Variants in MMP26 observed in about 807,000 individuals in gnomAD.
MMP26 encodes the protein matrix metallopeptidase 26, also known as matrix metalloproteinase-26.
MMP26 carries 33 observed loss-of-function variants against 31.0 expected under a neutral mutation model. The observed-to-expected ratio is 1.06, with a 90% CI of 0.81 to 1.42. MMP26 has a LOEUF of 1.42. Ranked by LOEUF, MMP26 falls within the 40% of genes most tolerant of loss-of-function variation. The pLI, the probability that MMP26 is intolerant of heterozygous loss-of-function variation, is 0.00. For synonymous variants in MMP26, 122 were observed against 114.9 expected, an observed-to-expected ratio of 1.06 and a Z score of -0.40; for missense variants, 347 against 316.1, an observed-to-expected ratio of 1.10 and a Z score of -0.74.
chr11:4,779,707 T>C (rs1848833814), intron 2 of MMP26, among the ~76,000 whole-genome samples: 1 of 152,094 alleles, frequency 6.6e-6, no homozygotes, highest in African/African-American at 2.4e-5. Context: ...TTTAAGAAAA[T>C]GTCAAATTTC....
chr11:4,991,583 G>T, intron 6 of MMP26, 87 bp downstream of exon 6: 6 of 1,529,374 alleles, frequency 3.9e-6, no homozygotes, highest in Non-Finnish European at 5.3e-6. Flanking sequence ...ATCCAGAGTG[G>T]TCAGGGTGAG....
chr11:4,736,632 G>C (rs757202772), intron 1 of MMP26: 3 of 152,174 alleles, frequency 2.0e-5, no homozygotes, highest in Non-Finnish European at 2.9e-5. Context: ...GAGGCAATAG[G>C]ATCACGGTCC....
chr11:4,748,443 A>G (rs1200385423), intron 1 of MMP26, among the ~76,000 whole-genome samples: 1 of 152,136 alleles, frequency 6.6e-6, no homozygotes, highest in Admixed American at 6.6e-5. Context: ...AACTCATTTT[A>G]TGCAGACTGT....
chr11:4,710,972 A>G (rs1847855457), intron 1 of MMP26: 1 of 153,016 alleles, frequency 6.5e-6, no homozygotes, highest in Non-Finnish European at 1.5e-5. Context: ...ACAATAAGCA[A>G]GAAGTATTAA....
At chr11:4,718,146 C>A (rs1226554260) in intron 1 of MMP26, among the ~76,000 whole-genome samples, 1 of 152,124 alleles carries the variant, frequency 6.6e-6, no homozygotes. Context: ...GGATCTGATT[C>A]TGATTGAAAG....
chr11:4,705,673 A>G (rs1475571298), intron 1 of MMP26, among the ~76,000 whole-genome samples: 1 of 152,192 alleles, frequency 6.6e-6, no homozygotes. Flanking sequence ...AGACTGGTTT[A>G]AGAATCACAG....
At chr11:4,956,101 G>C (rs1035047563) in intron 2 of MMP26, among the ~76,000 whole-genome samples, 1 of 152,158 alleles carries the variant, frequency 6.6e-6, no homozygotes, top group African/African-American at 2.4e-5. Flanking sequence ...TGTATGTTGT[G>C]ATCTTCAGTT....
At chr11:4,935,343 G>C (rs950698101) in intron 2 of MMP26, among the ~76,000 whole-genome samples, 2 of 151,776 alleles carry the variant, frequency 1.3e-5, no homozygotes, top group African/African-American at 4.8e-5. Context: ...AAGCAATTGC[G>C]AATGGGAGTT....
At chr11:4,873,209 G>A (rs1850333558) in intron 2 of MMP26, among the ~76,000 whole-genome samples, 2 of 152,032 alleles carry the variant, frequency 1.3e-5, no homozygotes, top group Admixed American at 1.3e-4. Context: ...ATTCTGGAAG[G>A]TCTGTGCTGG....
rs567120833 is a variant in MMP26 at position 4,848,071 on chromosome 11, A to T, written c.-145+80730A>T. On this transcript the variant is annotated intron_variant, in intron 2 of 7. Coordinates refer to ENST00000380390, the MANE Select transcript of MMP26 (RefSeq NM_021801.5). The stretch of plus-strand genomic sequence containing the variant: ...ATCATGTTCATTCTTTGGGGCTTGT[A>T]AGTTTGCATCAATATACACAGGCAT... 38 of 672,730 alleles carry T rather than the reference A, an allele frequency of 5.6e-5. No individual in the cohort carries two copies. In the African/African-American group the frequency reaches 6.6e-4, roughly 12 times the overall value. 41.7% of individuals were successfully genotyped at this position (672,730 alleles called of 1,614,324 possible).
At chr11:4,822,016 A>C in intron 2 of MMP26, 1 of 1,614,006 alleles carries the variant, frequency 6.2e-7, no homozygotes. Flanking sequence ...GATCAACAGC[A>C]TCCTTGGTCT....
chr11:4,892,086 C>T (rs1850632973), intron 2 of MMP26, among the ~76,000 whole-genome samples: 1 of 151,948 alleles, frequency 6.6e-6, no homozygotes, highest in Admixed American at 6.6e-5. Flanking sequence ...TATTGAGAGG[C>T]TAGGGCACTG....
At chr11:4,809,058 T>G (rs947972286) in intron 2 of MMP26, among the ~76,000 whole-genome samples, 2 of 152,012 alleles carry the variant, frequency 1.3e-5, no homozygotes, top group African/African-American at 4.8e-5. Flanking sequence ...GCACAGGTTG[T>G]CAGCTTGCTG....
At chr11:4,819,762 T>C (rs1849470434) in intron 2 of MMP26, among the ~76,000 whole-genome samples, 1 of 151,776 alleles carries the variant, frequency 6.6e-6, no homozygotes, top group South Asian at 2.1e-4. Flanking sequence ...AACGTTTTTG[T>C]AGAGATGGGG....
At chr11:4,770,035 G>C in intron 2 of MMP26, 1 of 622,412 alleles carries the variant, frequency 1.6e-6, no homozygotes, top group Non-Finnish European at 2.9e-6. Context: ...GTTATCCAAG[G>C]TCATAGATAA....
intron 1 of MMP26, among the ~76,000 whole-genome samples, chr11:4,729,463 G>T (rs1007230209): frequency 1.3e-5 from 2 of 152,026 alleles, no homozygotes; most frequent in Non-Finnish European, 2.9e-5. Context: ...GACAGAGAGG[G>T]GCAGGAAGAA....
At chr11:4,882,748 G>C (rs534018343) in intron 2 of MMP26, 1 of 1,613,874 alleles carries the variant, frequency 6.2e-7, no homozygotes, top group African/African-American at 1.3e-5. Flanking sequence ...ATATTTATCT[G>C]CTCTTACCAC....
At chr11:4,937,130 A>T (rs1224841508) in intron 2 of MMP26, among the ~76,000 whole-genome samples, 1 of 152,152 alleles carries the variant, frequency 6.6e-6, no homozygotes, top group Non-Finnish European at 1.5e-5. Context: ...GGCTTAGATT[A>T]TTGGATGTAC....
rs112930526 is a variant in MMP26, at chr11:4,907,489, G to A, written c.-144-80579G>A. The A allele has an allele frequency of 4.6e-5, 75 of 1,613,842 alleles. No homozygotes were observed. In the Middle Eastern group the frequency reaches 1.5e-3, roughly 32 times the overall value. ...GCCTCATGTACCTGCTTGCCATCAT[G>A]GGCAACTGCACCATTCTCTTTATTA... On this transcript the variant is annotated intron_variant, in intron 2 of 7. Transcript: ENST00000380390.
Sources: allele counts gnomAD v4.1 joint callset (sites outside exome capture counted in the v4.1 genomes callset), GRCh38; gene constraint gnomAD v4.1.1; transcripts MANE v1.5; gene names NCBI Gene and HGNC (gene_info 2026-07-23, HGNC 2026-07-21).